The following MLEC variants were observed in gnomAD, a reference collection of about 807,000 sequenced individuals.
MLEC encodes the protein oligosaccharyltransferase complex subunit (non-catalytic).
In MLEC, 7 loss-of-function variants were observed where a neutral mutation model predicts 28.7. That is an observed-to-expected ratio of 0.24 (90% CI 0.14 to 0.46). MLEC has a LOEUF of 0.46. Among genes scored for constraint, MLEC ranks in the 20% least tolerant of loss-of-function variants. The pLI, the probability that MLEC is intolerant of heterozygous loss-of-function variation, is 0.99. For missense variants in MLEC, 237 were observed against 391.1 expected (o/e 0.61, Z 3.32); for synonymous variants, 142 against 164.4 (o/e 0.86, Z 1.04).
Position 120,694,005 on chromosome 12 carries a change from T to C in MLEC, c.236-86T>C. On this transcript the variant is annotated intron_variant, in intron 1 of 4. Coordinates refer to ENST00000228506, the MANE Select transcript of MLEC (RefSeq NM_014730.4). This position sits in a 1 kb window ranked among gnomAD's most constrained non-coding sequence, Gnocchi z 4.5. ...ATGGAGAGGGTTATTAGCATTGCCCTGGAAATGCCTCTGGCTGTTCTGGGG... is the reference window on the plus strand; with the variant it reads ...ATGGAGAGGGTTATTAGCATTGCCCCGGAAATGCCTCTGGCTGTTCTGGGG... 1 of 1,323,370 alleles carries C rather than the reference T, an allele frequency of 7.6e-7. No homozygotes were observed. Among genetic ancestry groups the C allele is most frequent in the Non-Finnish European group, 1.0e-6 (1 of 968,526 alleles). The allele number at this position is 1,323,370 out of a possible 1,614,324, so 82.0% of individuals were successfully genotyped here.
chr12:120,694,873 T>G lies in MLEC; in HGVS notation c.464T>G (p.Ile155Ser). ...CACGTCGTGGTGAAGGACTTGGATATCTTTGATCGTGTTGGGCATAGCACA... is the reference window on the plus strand; with the variant it reads ...CACGTCGTGGTGAAGGACTTGGATAGCTTTGATCGTGTTGGGCATAGCACA... Reference protein sequence around the residue: ...NGHVVVKDLDIFDRVGHSTAH... With the variant: ...NGHVVVKDLDSFDRVGHSTAH... Residue 155 changes from isoleucine to serine, a missense_variant, in exon 3 of 5, where the codon ATC becomes AGC. By Grantham distance (142) the Ile-to-Ser change is moderately radical. Transcript: ENST00000228506. The surrounding 1 kb of genome is among the most constrained non-coding windows in gnomAD (Gnocchi z 4.5). The G allele has an allele frequency of 6.2e-7, 1 of 1,614,144 alleles. No individual in the cohort carries two copies. Among genetic ancestry groups the G allele is most frequent in the Non-Finnish European group, 8.5e-7 (1 of 1,179,986 alleles).
chr12:120,691,877 C>T (rs1019853859), intron 1 of MLEC, among the ~76,000 whole-genome samples: 3 of 151,992 alleles, frequency 2.0e-5, no homozygotes, highest in African/African-American at 4.8e-5. Flanking sequence ...AAAAAAGATT[C>T]GGCCTGGTGT....
rs1400821846 is a variant in MLEC, at chr12:120,699,616, C to T, written c.*3071C>T. ...TGTCCCTTAAACCAGACTCACTTTTCTGAAAAATCTCCATTGTTGAGGAGA... is the reference window on the plus strand; with the variant it reads ...TGTCCCTTAAACCAGACTCACTTTTTTGAAAAATCTCCATTGTTGAGGAGA... On this transcript the variant is annotated 3_prime_UTR_variant, in exon 5 of 5. Transcript: ENST00000228506. 1 of 152,218 alleles carries T rather than the reference C, an allele frequency of 6.6e-6. No homozygotes were observed. The highest frequency in any genetic ancestry group is 1.5e-5 in the Non-Finnish European group (1 of 68,046). The allele number at this position is 152,218 out of a possible 1,614,324, so 9.4% of individuals were successfully genotyped here.
chr12:120,687,372 A>T lies in MLEC; in HGVS notation c.76A>T (p.Ile26Phe). The change falls in exon 1 of 5, where the codon ATC becomes TTC. Residue 26 changes from isoleucine to phenylalanine, a missense_variant. Physicochemically the swap from Ile to Phe is conservative, Grantham distance 21. Transcript: ENST00000228506. This position sits in a 1 kb window ranked among gnomAD's most constrained non-coding sequence, Gnocchi z 8.1. ...RLLLLLLPPA[I>F]RGPGLGVAGV... is the part of the protein sequence containing the mutation. The stretch of plus-strand genomic sequence containing the variant: ...GCTGCTGCTGCTGCTGCCGCCGGCG[A>T]TCCGGGGACCCGGGCTCGGCGTGGC... The T allele has an allele frequency of 7.3e-7, 1 of 1,373,126 alleles. No homozygotes were observed. 85.1% of individuals were successfully genotyped at this position (1,373,126 alleles called of 1,614,324 possible).
Position 120,700,134 on chromosome 12 carries a change from T to G in MLEC, c.*3589T>G, listed in dbSNP as rs1417382506. 1 of 152,640 alleles carries G rather than the reference T, an allele frequency of 6.6e-6. No homozygotes were observed. Among genetic ancestry groups the G allele is most frequent in the Non-Finnish European group, 1.5e-5 (1 of 68,050 alleles). 9.5% of individuals were successfully genotyped at this position (152,640 alleles called of 1,614,324 possible). ...ACCCAGGGAAAGAATCAGCAGGTTC[T>G]CTGCCCTCCCTAGGGGTTGGGGAAG... On this transcript the variant is annotated 3_prime_UTR_variant, in exon 5 of 5. Transcript: ENST00000228506. The surrounding 1 kb of genome is among the most constrained non-coding windows in gnomAD (Gnocchi z 4.0).
At chr12:120,689,476 A>G (rs1881954576) in intron 1 of MLEC, among the ~76,000 whole-genome samples, 1 of 152,174 alleles carries the variant, frequency 6.6e-6, no homozygotes, top group African/African-American at 2.4e-5. Flanking sequence ...GTATTAAGGC[A>G]TGGATGGGGA....
In MLEC at chr12:120,694,291, G is replaced by C. The variant is rs780942777; in HGVS notation, c.414+22G>C. On this transcript the variant is annotated intron_variant, in intron 2 of 4. Transcript: ENST00000228506. This position sits in a 1 kb window ranked among gnomAD's most constrained non-coding sequence, Gnocchi z 4.5. ...AAAGGTGAGGCCTAGTCAGGCTGCT[G>C]CTTGACCAGTAGGACATTGCTGCTC... The C allele has an allele frequency of 5.0e-6, 8 of 1,610,450 alleles. No homozygotes were observed. Among genetic ancestry groups the C allele is most frequent in the African/African-American group, 1.3e-5 (1 of 74,978 alleles).
At chr12:120,688,639 T>C (rs1037801509) in intron 1 of MLEC, among the ~76,000 whole-genome samples, 2 of 152,260 alleles carry the variant, frequency 1.3e-5, no homozygotes, top group South Asian at 4.1e-4. Flanking sequence ...CTCTCATTCT[T>C]TTTCTGCGAT....
At position 120,687,344 on chromosome 12, in the gene MLEC, A is replaced by ACTGCTG. The variant is rs772341467; in HGVS notation, c.62_67dup (p.Leu21_Leu22dup). On this transcript the variant is annotated inframe_insertion, in exon 1 of 5. Coordinates refer to ENST00000228506, the MANE Select transcript of MLEC (RefSeq NM_014730.4). This position sits in a 1 kb window ranked among gnomAD's most constrained non-coding sequence, Gnocchi z 8.1. ...AGGGAACCGCTGTGGCGCTCCTGCG[A>ACTGCTG]CTGCTGCTGCTGCTGCTGCCGCCGG... 3.1e-5 allele frequency: 43 copies of ACTGCTG among 1,389,734 alleles called. No individual in the cohort carries two copies. The highest frequency in any genetic ancestry group is 4.9e-4 in the Middle Eastern group (2 of 4,122). 86.1% of individuals were successfully genotyped at this position (1,389,734 alleles called of 1,614,324 possible).
In MLEC at chr12:120,699,784, CCCTG is replaced by C. The variant is rs1592921449; in HGVS notation, c.*3243_*3246del. 1 of 152,646 alleles carries C rather than the reference CCCTG, an allele frequency of 6.6e-6. No individual in the cohort carries two copies. The highest frequency in any genetic ancestry group is 6.5e-5 in the Admixed American group (1 of 15,282). The allele number at this position is 152,646 out of a possible 1,614,324, so 9.5% of individuals were successfully genotyped here. Reference sequence around the variant, plus strand: ...GAGCGTGTTCGTGTTCTCTTGCCCTCCCTGCCTAAGAGCTACTGGGATCACGTTA... The same window carrying C: ...GAGCGTGTTCGTGTTCTCTTGCCCTCCCTAAGAGCTACTGGGATCACGTTA... On this transcript the variant is annotated 3_prime_UTR_variant, in exon 5 of 5. Transcript: ENST00000228506.
rs1472804363 is a variant in MLEC at position 120,701,011 on chromosome 12, A to G, written c.*4466A>G. ...TTCCCCCAGGAGTATAAACACAAGG[A>G]GCCAGGATTGTGCTGGCAGCCAAGG... On this transcript the variant is annotated 3_prime_UTR_variant, in exon 5 of 5. Coordinates refer to ENST00000228506, the MANE Select transcript of MLEC (RefSeq NM_014730.4). The surrounding 1 kb of genome is among the most constrained non-coding windows in gnomAD (Gnocchi z 4.0). 6.6e-6 allele frequency: 1 copy of G among 152,208 alleles called. No individual in the cohort carries two copies. The highest frequency in any genetic ancestry group is 1.5e-5 in the Non-Finnish European group (1 of 68,060). 9.4% of individuals were successfully genotyped at this position (152,208 alleles called of 1,614,324 possible). A position where few individuals can be genotyped will look rare whatever the true frequency, so the allele number is the denominator to read the frequency against.
rs985464651 is a variant in MLEC, at chr12:120,687,214, C to T, written c.-83C>T. ...GCGGCTCAGGCGGAGCGGCCCGTGG[C>T]GCTGTTTTTCTGAGTCCGGGGTGGC... On this transcript the variant is annotated 5_prime_UTR_variant, in exon 1 of 5. Coordinates refer to ENST00000228506, the MANE Select transcript of MLEC (RefSeq NM_014730.4). The surrounding 1 kb of genome is among the most constrained non-coding windows in gnomAD (Gnocchi z 8.1). 4 of 1,300,144 alleles carry T rather than the reference C, an allele frequency of 3.1e-6. No individual in the cohort carries two copies. Among genetic ancestry groups the T allele is most frequent in the African/African-American group, 3.1e-5 (2 of 64,280 alleles). The allele number at this position is 1,300,144 out of a possible 1,614,324, so 80.5% of individuals were successfully genotyped here.
At position 120,687,233 on chromosome 12, in the gene MLEC, G is replaced by A. The variant is rs1881854482; in HGVS notation, c.-64G>A. On this transcript the variant is annotated 5_prime_UTR_variant, in exon 1 of 5. Transcript: ENST00000228506. This position sits in a 1 kb window ranked among gnomAD's most constrained non-coding sequence, Gnocchi z 8.1. ...CCGTGGCGCTGTTTTTCTGAGTCCG[G>A]GGTGGCCTGGCAGCCGGCCGAGGAC... The A allele has an allele frequency of 3.7e-6, 5 of 1,339,576 alleles. No homozygotes were observed. The East Asian group carries it at 1.6e-4, about 42-fold the overall frequency. The allele number at this position is 1,339,576 out of a possible 1,614,324, so 83.0% of individuals were successfully genotyped here. A position where few individuals can be genotyped will look rare whatever the true frequency, so the allele number is the denominator to read the frequency against.
Position 120,694,313 on chromosome 12 carries a change from G to C in MLEC, c.414+44G>C. 6.3e-7 allele frequency: 1 copy of C among 1,587,120 alleles called. No homozygotes were observed. Among genetic ancestry groups the C allele is most frequent in the Non-Finnish European group, 8.6e-7 (1 of 1,162,456 alleles). ...GCTGCTTGACCAGTAGGACATTGCTGCTCTTGGACAATCCACGATTATGGG... is the reference window on the plus strand; with the variant it reads ...GCTGCTTGACCAGTAGGACATTGCTCCTCTTGGACAATCCACGATTATGGG... On this transcript the variant is annotated intron_variant, in intron 2 of 4. Transcript: ENST00000228506. This position sits in a 1 kb window ranked among gnomAD's most constrained non-coding sequence, Gnocchi z 4.5.
intron 1 of MLEC, 174 bp from the exon 2 acceptor site, chr12:120,693,917 G>C (rs1882127500): frequency 3.5e-6 from 2 of 573,012 alleles, no homozygotes; most frequent in African/African-American, 1.9e-5. Flanking sequence ...AGTAATGGCT[G>C]TATGATTCCT....
chr12:120,690,177 AT>A (rs149099910), intron 1 of MLEC, among the ~76,000 whole-genome samples: 3,674 of 150,002 alleles, frequency 0.024, 142 homozygotes, highest in African/African-American at 0.085. Context: ...AAAATTTTTA[AT>A]TTTTTTTTTA....
chr12:120,693,045 A>C (rs558465980), intron 1 of MLEC, among the ~76,000 whole-genome samples: 74 of 152,198 alleles, frequency 4.9e-4, no homozygotes, highest in Non-Finnish European at 9.0e-4. Context: ...GGAAGAAAAA[A>C]ACATATATAC....
chr12:120,695,184 T>G (rs1276898231), intron 4 of MLEC, 32 bp downstream of exon 4: 2 of 1,612,916 alleles, frequency 1.2e-6, no homozygotes, highest in African/African-American at 1.3e-5. Flanking sequence ...TTTTTTGACT[T>G]GAGTGGAGGG....
intron 1 of MLEC, among the ~76,000 whole-genome samples, chr12:120,693,585 A>G (rs997991458): frequency 1.3e-5 from 2 of 152,274 alleles, no homozygotes; most frequent in Admixed American, 1.3e-4. Flanking sequence ...CGTAAGGACA[A>G]TGAAGAATGA....
Sources: gnomAD v4.1 joint callset for allele counts (sites outside exome capture counted in the v4.1 genomes callset) on GRCh38, gnomAD v4.1.1 for gene constraint, Gnocchi (gnomAD v3.1) non-coding constraint, MANE v1.5 for transcripts, NCBI Gene and HGNC (gene_info 2026-07-23, HGNC 2026-07-21) for gene names.